C15orf40: variants seen among roughly 807,000 people sequenced by gnomAD.
The protein encoded by C15orf40 is chromosome 15 open reading frame 40.
A neutral mutation model predicts 13.9 loss-of-function variants in C15orf40; 9 were observed. That is an observed-to-expected ratio of 0.65 (90% CI 0.39 to 1.13). The LOEUF is 1.13. Among genes scored for constraint, C15orf40 ranks in the 50% most tolerant of loss-of-function variants. The probability of loss-of-function intolerance (pLI) is 0.01; values close to 1 mark genes in which losing one functional copy is unlikely to be tolerated. For missense variants in C15orf40, 225 were observed against 188.5 expected (o/e 1.19, Z -1.13); for synonymous variants, 95 against 69.2 (o/e 1.37, Z -1.85).
At position 83,004,392 on chromosome 15, in the gene C15orf40, C is replaced by T. The variant is rs2031562158; in HGVS notation, c.*1205G>A. 4 of 977,064 alleles carry T rather than the reference C, an allele frequency of 4.1e-6. No individual in the cohort carries two copies. In the South Asian group the frequency reaches 1.4e-4, roughly 35 times the overall value. 60.5% of individuals were successfully genotyped at this position (977,064 alleles called of 1,614,324 possible). ...CAAAGCGCACAACTGCAGATCAGCT[C>T]TCCTGATCAGCAAAGGAAATTAATT... On this transcript the variant is annotated 3_prime_UTR_variant, in exon 4 of 4. Coordinates refer to ENST00000304177, the MANE Select transcript of C15orf40 (RefSeq NM_144597.3).
chr15:83,010,167 A>G, intron 2 of C15orf40, 70 bp downstream of exon 2: 1 of 1,585,972 alleles, frequency 6.3e-7, no homozygotes, highest in Non-Finnish European at 8.6e-7. Context: ...CTTTCAGCTA[A>G]CCAAAGCAAA....
downstream of C15orf40, among the ~76,000 whole-genome samples, chr15:82,993,607 T>G (rs1430708932): frequency 6.6e-6 from 1 of 151,758 alleles, no homozygotes; most frequent in Non-Finnish European, 1.5e-5. Flanking sequence ...AGGTCAGGAG[T>G]TCGAGACCAG....
At position 83,004,772 on chromosome 15, in the gene C15orf40, A is replaced by C; in HGVS notation, c.*825T>G. 9.6e-7 allele frequency: 1 copy of C among 1,040,818 alleles called. No homozygotes were observed. Among genetic ancestry groups the C allele is most frequent in the Non-Finnish European group, 1.2e-6 (1 of 850,766 alleles). The allele number at this position is 1,040,818 out of a possible 1,614,324, so 64.5% of individuals were successfully genotyped here. ...CATTTAAATAAGCATTTAAAAATCT[A>C]AGGTAAGACTACAAAGCAGCATAAC... On this transcript the variant is annotated 3_prime_UTR_variant, in exon 4 of 4. Transcript: ENST00000304177.
chr15:83,000,179 G>A lies in C15orf40; in HGVS notation c.*5418C>T, dbSNP rs2031357152. The A allele has an allele frequency of 6.6e-6, 1 of 152,210 alleles. No individual in the cohort carries two copies. Among genetic ancestry groups the A allele is most frequent in the Non-Finnish European group, 1.5e-5 (1 of 68,046 alleles). The allele number at this position is 152,210 out of a possible 1,614,324, so 9.4% of individuals were successfully genotyped here. On this transcript the variant is annotated 3_prime_UTR_variant, in exon 4 of 4. Coordinates refer to ENST00000304177, the MANE Select transcript of C15orf40 (RefSeq NM_144597.3). ...AAGAGATTTCCCAAAGGGACAGAATGTTCTCACTAGCAGATCCCACTATAC... is the reference window on the plus strand; with the variant it reads ...AAGAGATTTCCCAAAGGGACAGAATATTCTCACTAGCAGATCCCACTATAC...
rs771058190 is a variant in C15orf40, at chr15:83,005,621, T to A, written c.438A>T (p.Leu146Phe). The A allele has an allele frequency of 3.1e-6, 5 of 1,611,584 alleles. No individual in the cohort carries two copies. The highest frequency in any genetic ancestry group is 1.3e-5 in the African/African-American group (1 of 74,796). ...STTPEEILEK[L>F]KKEAKKT ...TTTATGTTTTTTTGGCTTCCTTTTT[T>A]AATTTCTCCAAGATCTCTTCTGGAG... Residue 146 changes from leucine to phenylalanine, a missense_variant, in exon 4 of 4, where the codon TTA becomes TTT. By Grantham distance (22) the Leu-to-Phe change is conservative. Transcript: ENST00000304177.
rs2151279496 is a variant in C15orf40 at position 82,999,163 on chromosome 15, GGTGAGGGA to G, written c.*6426_*6433del. 1 of 72,796 alleles carries G rather than the reference GGTGAGGGA, an allele frequency of 1.4e-5. No individual in the cohort carries two copies. Among genetic ancestry groups the G allele is most frequent in the Non-Finnish European group, 2.6e-5 (1 of 38,646 alleles). 4.5% of individuals were successfully genotyped at this position (72,796 alleles called of 1,614,324 possible). A position where few individuals can be genotyped will look rare whatever the true frequency, so the allele number is the denominator to read the frequency against. ...AGGGAGACCGTGGGGAGAGGGAGAG[GGTGAGGGA>G]GAGGGGGAGGGGGAGGGGGAGGGGG... On this transcript the variant is annotated 3_prime_UTR_variant, in exon 4 of 4. Transcript: ENST00000304177.
Position 83,010,230 on chromosome 15 carries a change from G to A in C15orf40, c.238+7C>T. 1 of 1,614,098 alleles carries A rather than the reference G, an allele frequency of 6.2e-7. No individual in the cohort carries two copies. Among genetic ancestry groups the A allele is most frequent in the Non-Finnish European group, 8.5e-7 (1 of 1,179,994 alleles). On this transcript the variant is annotated splice_region_variant and intron_variant, in intron 2 of 3. Coordinates refer to ENST00000304177, the MANE Select transcript of C15orf40 (RefSeq NM_144597.3). ...CACTTGAATCCCACCCCAGTGTCCA[G>A]GTATACCTGTTACAGCATTTTGTTT...
chr15:82,989,273 G>A, downstream of C15orf40: 1 of 1,431,022 alleles, frequency 7.0e-7, no homozygotes, highest in Admixed American at 2.4e-5. Context: ...AGTGAGGGCA[G>A]GGACCAGTGT....
At position 82,999,821 on chromosome 15, in the gene C15orf40, C is replaced by T. The variant is rs925353285; in HGVS notation, c.*5776G>A. The T allele has an allele frequency of 1.1e-4, 16 of 152,284 alleles. No individual in the cohort carries two copies. The highest frequency in any genetic ancestry group is 3.8e-4 in the African/African-American group (16 of 41,564). 9.4% of individuals were successfully genotyped at this position (152,284 alleles called of 1,614,324 possible). ...GTTTGGGGATTCTTCCCTCCCCAAA[C>T]TCTATCTAGGGGACCGATGGACCCT... On this transcript the variant is annotated 3_prime_UTR_variant, in exon 4 of 4. Coordinates refer to ENST00000304177, the MANE Select transcript of C15orf40 (RefSeq NM_144597.3).
downstream of C15orf40, among the ~76,000 whole-genome samples, chr15:82,993,649 T>C (rs955474093): frequency 6.6e-6 from 1 of 151,970 alleles, no homozygotes; most frequent in Non-Finnish European, 1.5e-5. Flanking sequence ...CCCGTCTCTA[T>C]GAAAAATACA....
Position 83,004,727 on chromosome 15 carries a change from TAA to T in C15orf40, c.*868_*869del, listed in dbSNP as rs11362374. 1.5e-4 allele frequency: 148 copies of T among 959,698 alleles called. No homozygotes were observed. Among genetic ancestry groups the T allele is most frequent in the African/African-American group, 3.3e-4 (19 of 57,054 alleles). 59.4% of individuals were successfully genotyped at this position (959,698 alleles called of 1,614,324 possible). ...TGGTAAATATAGTCTTTAAAAGATG[TAA>T]AAAAAAAATTTTTTTTACATTTAAA... On this transcript the variant is annotated 3_prime_UTR_variant, in exon 4 of 4. Transcript: ENST00000304177.
At position 82,996,643 on chromosome 15, in the gene C15orf40, A is replaced by C. The variant is rs1343595111; in HGVS notation, c.*8954T>G. 1 of 151,112 alleles carries C rather than the reference A, an allele frequency of 6.6e-6. No individual in the cohort carries two copies. Among genetic ancestry groups the C allele is most frequent in the African/African-American group, 2.4e-5 (1 of 40,998 alleles). 9.4% of individuals were successfully genotyped at this position (151,112 alleles called of 1,614,324 possible). A position where few individuals can be genotyped will look rare whatever the true frequency, so the allele number is the denominator to read the frequency against. On this transcript the variant is annotated 3_prime_UTR_variant, in exon 4 of 4. Coordinates refer to ENST00000304177, the MANE Select transcript of C15orf40 (RefSeq NM_144597.3). ...GGGTGACAGAGTGAGACTCCGTCTC[A>C]AAATAAAATTAAAATAAAATAAAAT... is the stretch of plus-strand genomic sequence containing the variant.
At chr15:83,010,746 C>A in intron 1 of C15orf40, 1 of 163,410 alleles carries the variant, frequency 6.1e-6, no homozygotes, top group Admixed American at 6.3e-5. Flanking sequence ...CTGCATGTTG[C>A]GGGAAAGGGA....
intron 2 of C15orf40, among the ~76,000 whole-genome samples, 163 bp downstream of exon 2, chr15:83,010,074 G>A (rs531257214): frequency 4.6e-4 from 70 of 152,300 alleles, no homozygotes; most frequent in African/African-American, 1.6e-3. Flanking sequence ...TTCACTTTAA[G>A]ACACCTTTAC....
intron 3 of C15orf40, chr15:83,006,375 T>C (rs1462302749): frequency 6.1e-6 from 6 of 982,222 alleles, no homozygotes; most frequent in Non-Finnish European, 7.3e-6. Flanking sequence ...CAAATTGCTA[T>C]TCTCTATGTT....
In C15orf40 at chr15:83,000,294, C is replaced by T. The variant is rs1410236192; in HGVS notation, c.*5303G>A. On this transcript the variant is annotated 3_prime_UTR_variant, in exon 4 of 4. Transcript: ENST00000304177. ...TCCTTGCCAATTGCCCAGCCTAGATCCATTTTCAGAAACACTGGCTACGTG... is the reference window on the plus strand; with the variant it reads ...TCCTTGCCAATTGCCCAGCCTAGATTCATTTTCAGAAACACTGGCTACGTG... The T allele has an allele frequency of 6.6e-6, 1 of 152,248 alleles. No individual in the cohort carries two copies. The highest frequency in any genetic ancestry group is 1.5e-5 in the Non-Finnish European group (1 of 68,046). 9.4% of individuals were successfully genotyped at this position (152,248 alleles called of 1,614,324 possible).
intron 2 of C15orf40, among the ~76,000 whole-genome samples, chr15:83,009,796 A>C (rs1361951675): frequency 1.3e-5 from 2 of 152,186 alleles, no homozygotes; most frequent in Non-Finnish European, 2.9e-5. Context: ...AATGTTTTAT[A>C]CTGTTTTGAT....
rs765392069 is a variant in C15orf40 at position 83,008,580 on chromosome 15, C to A, written c.334G>T (p.Glu112Ter). ...ELCRYLSKVL[E>*]LRKSDVVLDK... Reference sequence around the variant, plus strand: ...AAAACCACATCACTCTTCCTGAGTTCTAGGACCTTGGAAAGATACCGACAG... The same window carrying A: ...AAAACCACATCACTCTTCCTGAGTTATAGGACCTTGGAAAGATACCGACAG... The change falls in exon 3 of 4, where the codon GAA (glutamate) becomes TAA (stop). Residue 112 changes from glutamate (E) to a stop codon, truncating the protein, a stop_gained. Coordinates refer to ENST00000304177, the MANE Select transcript of C15orf40 (RefSeq NM_144597.3). LOFTEE classifies it high-confidence loss of function. 18 of 1,613,694 alleles carry A rather than the reference C, an allele frequency of 1.1e-5. No homozygotes were observed. The highest frequency in any genetic ancestry group is 1.4e-5 in the Non-Finnish European group (16 of 1,179,920).
chr15:83,007,390 C>T (rs1379302529), intron 3 of C15orf40, among the ~76,000 whole-genome samples: 1 of 152,154 alleles, frequency 6.6e-6, no homozygotes, highest in Non-Finnish European at 1.5e-5. Context: ...GGAGAAAACA[C>T]TGGCAACAGC....
Sources: gnomAD v4.1 joint callset for allele counts (sites outside exome capture counted in the v4.1 genomes callset) on GRCh38, gnomAD v4.1.1 for gene constraint, MANE v1.5 for transcripts, NCBI Gene and HGNC (gene_info 2026-07-23, HGNC 2026-07-21) for gene names.